The following FHIT variants were observed in gnomAD, a reference collection of about 807,000 sequenced individuals.
FHIT encodes the protein bis(5'-adenosyl)-triphosphatase.
FHIT carries 19 observed loss-of-function variants against 17.9 expected under a neutral mutation model. That is an observed-to-expected ratio of 1.06 (90% CI 0.74 to 1.56). The LOEUF is 1.56. FHIT is among the 40% of genes most tolerant of loss of function. The probability of loss-of-function intolerance (pLI) is 0.00; values close to 1 mark genes in which losing one functional copy is unlikely to be tolerated. For synonymous variants in FHIT, 81 were observed against 69.7 expected, an observed-to-expected ratio of 1.16 and a Z score of -0.81; for missense variants, 248 against 189.2, an observed-to-expected ratio of 1.31 and a Z score of -1.82.
chr3:61,245,969 T>C, intron 1 of FHIT, among the ~76,000 whole-genome samples: 1 of 152,044 alleles, frequency 6.6e-6, no homozygotes, highest in East Asian at 1.9e-4. Context: ...AAGATATGGG[T>C]AATAAAGACC....
At chr3:60,112,822 A>T (rs751483345) in intron 5 of FHIT, among the ~76,000 whole-genome samples, 1 of 152,150 alleles carries the variant, frequency 6.6e-6, no homozygotes, top group East Asian at 1.9e-4. Context: ...ACAGCCTTTG[A>T]TATGTTCTAA....
At chr3:59,795,442 A>G (rs1455768566) in intron 8 of FHIT, among the ~76,000 whole-genome samples, 2 of 152,000 alleles carry the variant, frequency 1.3e-5, no homozygotes, top group African/African-American at 4.8e-5. Context: ...ATAAGGCTGT[A>G]TTCATAAAGG....
intron 3 of FHIT, among the ~76,000 whole-genome samples, chr3:61,001,057 AT>A (rs909547253): frequency 6.6e-6 from 1 of 152,248 alleles, no homozygotes; most frequent in Non-Finnish European, 1.5e-5. Context: ...ACACAAAAAA[AT>A]ATTCGACATC....
At chr3:60,378,088 G>A (rs565167645) in intron 5 of FHIT, among the ~76,000 whole-genome samples, 7 of 151,978 alleles carry the variant, frequency 4.6e-5, no homozygotes, top group Non-Finnish European at 8.8e-5. Context: ...GTGCAGTGGC[G>A]CGATCACGGC....
chr3:60,589,329 C>T (rs540009231), intron 4 of FHIT, among the ~76,000 whole-genome samples: 1 of 152,094 alleles, frequency 6.6e-6, no homozygotes, highest in Non-Finnish European at 1.5e-5. Flanking sequence ...CTTTGTAGAA[C>T]CAATCACTTG....
intron 5 of FHIT, among the ~76,000 whole-genome samples, chr3:60,240,083 CATA>C (rs1470117544): frequency 2.0e-5 from 3 of 152,082 alleles, no homozygotes; most frequent in East Asian, 3.8e-4. Context: ...AAGCAAATGG[CATA>C]ATAATTATTT....
At chr3:60,021,136 T>C (rs1348904392) in intron 5 of FHIT, among the ~76,000 whole-genome samples, 3 of 152,172 alleles carry the variant, frequency 2.0e-5, no homozygotes, top group Admixed American at 6.5e-5. Context: ...ATGATAACAC[T>C]CTGCTCAGAG....
chr3:61,070,193 C>G (rs576119668), intron 2 of FHIT, among the ~76,000 whole-genome samples: 1 of 152,270 alleles, frequency 6.6e-6, no homozygotes, highest in Middle Eastern at 3.4e-3. Context: ...CGTTCCTGAC[C>G]AGGAACCACC....
intron 6 of FHIT, among the ~76,000 whole-genome samples, chr3:60,012,120 G>A (rs1464132261): frequency 3.3e-5 from 5 of 151,992 alleles, no homozygotes; most frequent in African/African-American, 1.2e-4. Flanking sequence ...CTAACGGGGT[G>A]AGAACTCCCG....
At chr3:60,248,601 T>G (rs1460762861) in intron 5 of FHIT, among the ~76,000 whole-genome samples, 1 of 152,054 alleles carries the variant, frequency 6.6e-6, no homozygotes, top group African/African-American at 2.4e-5. Context: ...TCTGAGAAAT[T>G]TGTCAGGAGG....
chr3:60,952,181 A>ACCCC (rs1708918437), intron 3 of FHIT, among the ~76,000 whole-genome samples: 1 of 84,208 alleles, frequency 1.2e-5, no homozygotes, highest in African/African-American at 5.2e-5. Flanking sequence ...CCCCCCCCCA[A>ACCCC]AAAAAAAAAA....
chr3:60,429,296 A>T (rs930859199), intron 5 of FHIT, among the ~76,000 whole-genome samples: 25 of 152,038 alleles, frequency 1.6e-4, no homozygotes, highest in Non-Finnish European at 3.1e-4. Context: ...GTAATGAAAT[A>T]AAAAAAAGTC....
intron 3 of FHIT, among the ~76,000 whole-genome samples, chr3:60,932,958 C>CATAATTGAAG (rs1708037941): frequency 6.6e-6 from 1 of 152,248 alleles, no homozygotes; most frequent in African/African-American, 2.4e-5. Context: ...ACCCTAGGAG[C>CATAATTGAAG]ATAATTGAAG....
rs543099177 is a variant in FHIT at position 60,989,090 on chromosome 3, T to C, written c.-111+52957A>G. On this transcript the variant is annotated intron_variant, in intron 3 of 9. Transcript: ENST00000492590. ...CATTTGTATTTTAAGGTATCTTTCC[T>C]AGGTTTGTTGCTAAGTTCATGGACA... 7.6e-4 allele frequency among the ~76,000 whole-genome samples: 115 copies of C among 152,222 alleles called. 2 individuals are homozygous for C. The highest frequency in any genetic ancestry group is 2.6e-3 in the African/African-American group (107 of 41,542).
chr3:61,215,003 T>C (rs1469877116), intron 1 of FHIT, among the ~76,000 whole-genome samples: 1 of 151,416 alleles, frequency 6.6e-6, no homozygotes, highest in Non-Finnish European at 1.5e-5. Flanking sequence ...TGATGGGACA[T>C]ATCTCAAAAT....
At chr3:60,744,258 C>CAAAAAA (rs371224955) in intron 4 of FHIT, among the ~76,000 whole-genome samples, 3 of 95,638 alleles carry the variant, frequency 3.1e-5, no homozygotes, top group Admixed American at 2.3e-4. Context: ...AAAAAAAAAA[C>CAAAAAA]AAAACAAAAC....
chr3:60,203,532 G>A (rs1473547030), intron 5 of FHIT, among the ~76,000 whole-genome samples: 1 of 151,984 alleles, frequency 6.6e-6, no homozygotes, highest in African/African-American at 2.4e-5. Context: ...GCTCCTTTTT[G>A]CAATTCATAG....
intron 4 of FHIT, among the ~76,000 whole-genome samples, chr3:60,692,372 A>T (rs548868385): frequency 6.6e-6 from 1 of 152,354 alleles, no homozygotes; most frequent in African/African-American, 2.4e-5. Context: ...TTAAGGTAGC[A>T]GATAGAATTA....
chr3:60,326,214 A>C (rs1559822049), intron 5 of FHIT, among the ~76,000 whole-genome samples: 1 of 152,100 alleles, frequency 6.6e-6, no homozygotes, highest in East Asian at 1.9e-4. Context: ...TGTGCATTTT[A>C]TTTATATTAT....
Sources: allele counts gnomAD v4.1 joint callset (sites outside exome capture counted in the v4.1 genomes callset), GRCh38; gene constraint gnomAD v4.1.1; transcripts MANE v1.5; gene names NCBI Gene and HGNC (gene_info 2026-07-23, HGNC 2026-07-21).